DRAXIN: variants seen among roughly 807,000 people sequenced by gnomAD.
DRAXIN encodes the protein dorsal repulsive axon guidance protein.
A neutral mutation model predicts 33.9 loss-of-function variants in DRAXIN; 27 were observed. The observed-to-expected ratio is 0.80, with a 90% CI of 0.59 to 1.10. The LOEUF (loss-of-function observed/expected upper bound fraction) is 1.10. DRAXIN is among the 50% of genes least tolerant of loss of function. The pLI, the probability that DRAXIN is intolerant of heterozygous loss-of-function variation, is 0.00. For missense variants in DRAXIN, 371 were observed against 460.8 expected (o/e 0.81, Z 1.78); for synonymous variants, 178 against 194.0 (o/e 0.92, Z 0.69).
intron 6 of DRAXIN, among the ~76,000 whole-genome samples, chr1:11,716,200 A>G (rs2100743539): frequency 1.3e-5 from 2 of 152,334 alleles, no homozygotes; most frequent in African/African-American, 2.4e-5. Flanking sequence ...AAAGTTTCAA[A>G]TATATACTAA....
rs1409928626 is a variant in DRAXIN, at chr1:11,692,935, C to A, written c.-11+1082C>A. 6.6e-6 allele frequency among the ~76,000 whole-genome samples: 1 copy of A among 151,748 alleles called. No homozygotes were observed. Among genetic ancestry groups the A allele is most frequent in the African/African-American group, 2.4e-5 (1 of 41,258 alleles). On this transcript the variant is annotated intron_variant, in intron 1 of 6. Coordinates refer to ENST00000294485, the MANE Select transcript of DRAXIN (RefSeq NM_198545.4). This position sits in a 1 kb window ranked among gnomAD's most constrained non-coding sequence, Gnocchi z 5.8. Reference sequence around the variant, plus strand: ...GTGCCGCTTGGTGCTGGTTCACACACCCTGTGGAGGAAGGGAGGGGAGGGG... The same window carrying A: ...GTGCCGCTTGGTGCTGGTTCACACAACCTGTGGAGGAAGGGAGGGGAGGGG...
chr1:11,706,980 G>A lies in DRAXIN; in HGVS notation c.451+271G>A, dbSNP rs1448419577. Among the ~76,000 whole-genome samples, 1 of 152,150 alleles carries A rather than the reference G, an allele frequency of 6.6e-6. No individual in the cohort carries two copies. Among genetic ancestry groups the A allele is most frequent in the Non-Finnish European group, 1.5e-5 (1 of 68,028 alleles). ...TGTAATCCCAGCACTTTGGGAGGCCGAGGCGGGCGGATCATGAGATCAGGA... is the reference window on the plus strand; with the variant it reads ...TGTAATCCCAGCACTTTGGGAGGCCAAGGCGGGCGGATCATGAGATCAGGA... On this transcript the variant is annotated intron_variant, in intron 2 of 6. Coordinates refer to ENST00000294485, the MANE Select transcript of DRAXIN (RefSeq NM_198545.4). The surrounding 1 kb of genome is among the most constrained non-coding windows in gnomAD (Gnocchi z 5.5).
At chr1:11,689,248 C>T (rs6693852), upstream of DRAXIN, among the ~76,000 whole-genome samples, 31,940 of 138,200 alleles carry the variant, frequency 0.23, 6,593 homozygotes, top group African/African-American at 0.57. Context: ...TGAGCCGAGA[C>T]TGTGCCACTA....
chr1:11,721,440 G>A lies in DRAXIN; in HGVS notation c.*1744G>A, dbSNP rs1194775527. The A allele has an allele frequency of 6.6e-6, 1 of 152,222 alleles. No homozygotes were observed. Among genetic ancestry groups the A allele is most frequent in the African/African-American group, 2.4e-5 (1 of 41,440 alleles). 9.4% of individuals were successfully genotyped at this position (152,222 alleles called of 1,614,324 possible). On this transcript the variant is annotated 3_prime_UTR_variant, in exon 7 of 7. Transcript: ENST00000294485. ...CAACCCTCTGTTCCAGGGCGAACCA[G>A]GTTGCAAATGACAAAAGACTTTCCT...
chr1:11,717,999 T>TAAAAAAAA (rs1641604732), intron 6 of DRAXIN, among the ~76,000 whole-genome samples: 2 of 27,430 alleles, frequency 7.3e-5, no homozygotes, highest in Admixed American at 4.7e-4. Flanking sequence ...AGACCCTGTC[T>TAAAAAAAA]CAAAAAAAAA....
upstream of DRAXIN, among the ~76,000 whole-genome samples, chr1:11,686,820 A>AC (rs1305578999): frequency 1.3e-5 from 2 of 151,532 alleles, no homozygotes; most frequent in African/African-American, 4.9e-5. Flanking sequence ...AAAAAAAAAA[A>AC]AAAAAAAAAA....
Position 11,711,917 on chromosome 1 carries a change from G to A in DRAXIN, c.709G>A (p.Asp237Asn), listed in dbSNP as rs749103762. The change falls in exon 4 of 7, where the codon GAT (aspartate) becomes AAT (asparagine). Residue 237 changes from aspartate (D) to asparagine (N), a missense_variant. By Grantham distance (23) the Asp-to-Asn change is conservative. Coordinates refer to ENST00000294485, the MANE Select transcript of DRAXIN (RefSeq NM_198545.4). ...TLDMALFDWT[D>N]YEDLKPDGWP... ...GGACATGGCCTTGTTCGACTGGACC[G>A]ATTATGAAGACTTAAAACCTGATGG... 1.7e-5 allele frequency: 28 copies of A among 1,613,756 alleles called. No individual in the cohort carries two copies. Among genetic ancestry groups the A allele is most frequent in the African/African-American group, 2.7e-5 (2 of 74,920 alleles).
chr1:11,714,526 G>T (rs145942942), intron 5 of DRAXIN, among the ~76,000 whole-genome samples: 2 of 152,284 alleles, frequency 1.3e-5, no homozygotes, highest in Non-Finnish European at 2.9e-5. Flanking sequence ...CACCTCCACG[G>T]CACCACGATT....
At chr1:11,709,487 T>C in intron 3 of DRAXIN, 22 bp downstream of exon 3, 1 of 1,603,768 alleles carries the variant, frequency 6.2e-7, no homozygotes, top group South Asian at 1.1e-5. Flanking sequence ...CCAAACAGCC[T>C]CGGATCTGGA....
At position 11,709,337 on chromosome 1, in the gene DRAXIN, G is replaced by A. The variant is rs763681080; in HGVS notation, c.514G>A (p.Val172Met). ...MKKAELSEAQ[V>M]LDAAMEESST... is the part of the protein sequence containing the mutation. ...GAAGGCAGAGCTCTCCGAAGCCCAG[G>A]TGCTGGATGCAGCCATGGAGGAATC... Residue 172 changes from valine to methionine, a missense_variant, in exon 3 of 7, where the codon GTG (valine) becomes ATG (methionine). Coordinates refer to ENST00000294485, the MANE Select transcript of DRAXIN (RefSeq NM_198545.4). The A allele has an allele frequency of 1.2e-6, 2 of 1,613,848 alleles. No homozygotes were observed. Among genetic ancestry groups the A allele is most frequent in the African/African-American group, 2.7e-5 (2 of 74,922 alleles).
chr1:11,689,499 G>A (rs1190167781), upstream of DRAXIN, among the ~76,000 whole-genome samples: 1 of 152,122 alleles, frequency 6.6e-6, no homozygotes, highest in Non-Finnish European at 1.5e-5. Flanking sequence ...GGGAGGCTGA[G>A]GCAGGAGAAT....
At chr1:11,711,329 C>T (rs997837708) in intron 3 of DRAXIN, among the ~76,000 whole-genome samples, 1 of 152,204 alleles carries the variant, frequency 6.6e-6, no homozygotes, top group African/African-American at 2.4e-5. Context: ...CGCACATGCC[C>T]GTGTGTAGAT....
chr1:11,688,368 T>A (rs1002723681), upstream of DRAXIN, among the ~76,000 whole-genome samples: 1 of 152,174 alleles, frequency 6.6e-6, no homozygotes, highest in African/African-American at 2.4e-5. The surrounding 1 kb of genome is among the most constrained non-coding windows in gnomAD (Gnocchi z 4.6). Context: ...GAGACCATCC[T>A]GGCTAACATG....
chr1:11,714,742 TC>T (rs1641548806), intron 5 of DRAXIN, among the ~76,000 whole-genome samples: 1 of 152,206 alleles, frequency 6.6e-6, no homozygotes, highest in Non-Finnish European at 1.5e-5. Flanking sequence ...GACTTCAGTT[TC>T]CCCATCTGTC....
chr1:11,689,150 A>G (rs1641015202), upstream of DRAXIN, among the ~76,000 whole-genome samples: 1 of 152,072 alleles, frequency 6.6e-6, no homozygotes, highest in Non-Finnish European at 1.5e-5. Flanking sequence ...ACAAAAAATT[A>G]GCTGAGCATG....
Position 11,723,330 on chromosome 1 carries a change from C to T in DRAXIN, c.*3634C>T, listed in dbSNP as rs1438172632. 2 of 152,174 alleles carry T rather than the reference C, an allele frequency of 1.3e-5. No homozygotes were observed. Among genetic ancestry groups the T allele is most frequent in the Non-Finnish European group, 2.9e-5 (2 of 68,038 alleles). 9.4% of individuals were successfully genotyped at this position (152,174 alleles called of 1,614,324 possible). A position where few individuals can be genotyped will look rare whatever the true frequency, so the allele number is the denominator to read the frequency against. ...CATTCACAGGCCTGGGGCCCACCCA[C>T]AAAGCTTCTGTTTTGTTTGGTCTGG... On this transcript the variant is annotated 3_prime_UTR_variant, in exon 7 of 7. Coordinates refer to ENST00000294485, the MANE Select transcript of DRAXIN (RefSeq NM_198545.4).
At chr1:11,715,048 G>T in intron 5 of DRAXIN, 71 bp from the exon 6 acceptor site, 1 of 1,556,340 alleles carries the variant, frequency 6.4e-7, no homozygotes, top group East Asian at 2.2e-5. Flanking sequence ...CTTGTCCAGT[G>T]GGACCGAGTG....
chr1:11,715,116 C>G lies in DRAXIN; in HGVS notation c.848-3C>G. The stretch of plus-strand genomic sequence containing the variant: ...TGACTGCGTGTGCTCTCTGTGTTGG[C>G]AGGGACTTGCTGCGACCTGCGGGAG... On this transcript the variant is annotated splice_polypyrimidine_tract_variant and splice_region_variant and intron_variant, in intron 5 of 6. Coordinates refer to ENST00000294485, the MANE Select transcript of DRAXIN (RefSeq NM_198545.4). 2 of 1,614,224 alleles carry G rather than the reference C, an allele frequency of 1.2e-6. No homozygotes were observed. Among genetic ancestry groups the G allele is most frequent in the South Asian group, 2.2e-5 (2 of 91,080 alleles).
At chr1:11,710,935 A>AAAAAAAGG (rs1641484610) in intron 3 of DRAXIN, among the ~76,000 whole-genome samples, 3 of 149,748 alleles carry the variant, frequency 2.0e-5, no homozygotes, top group Admixed American at 6.7e-5. Flanking sequence ...AAAAAAAAAA[A>AAAAAAAGG]GGTTTTCAAA....
Sources: allele counts gnomAD v4.1 joint callset (sites outside exome capture counted in the v4.1 genomes callset), GRCh38; gene constraint gnomAD v4.1.1; non-coding constraint Gnocchi (gnomAD v3.1); transcripts MANE v1.5; gene names NCBI Gene and HGNC (gene_info 2026-07-23, HGNC 2026-07-21).